The following GALK2 variants were observed in gnomAD, a reference collection of about 807,000 sequenced individuals.
The protein encoded by GALK2 is N-acetylgalactosamine kinase.
A neutral mutation model predicts 52.4 loss-of-function variants in GALK2; 36 were observed. The ratio of observed to expected loss-of-function variants is 0.69; its 90% CI spans 0.53 to 0.91. GALK2 has a LOEUF of 0.91. GALK2 is among the 40% of genes least tolerant of loss of function. The probability of loss-of-function intolerance (pLI) is 0.00; values close to 1 mark genes in which losing one functional copy is unlikely to be tolerated. For synonymous variants in GALK2, 176 were observed against 199.1 expected, an observed-to-expected ratio of 0.88 and a Z score of 0.98; for missense variants, 579 against 559.1, an observed-to-expected ratio of 1.04 and a Z score of -0.36.
At chr15:49,282,208 G>A (rs1373829848) in intron 6 of GALK2, 123 bp downstream of exon 6, 6 of 570,454 alleles carry the variant, frequency 1.1e-5, no homozygotes, top group South Asian at 2.7e-5. Context: ...AGGCTCTATT[G>A]TAGGATATTA....
intron 6 of GALK2, 122 bp downstream of exon 6, chr15:49,282,207 T>C: frequency 1.7e-6 from 1 of 572,652 alleles, no homozygotes; most frequent in East Asian, 3.0e-5. Context: ...TAGGCTCTAT[T>C]GTAGGATATT....
At chr15:49,282,930 T>A (rs17397344) in intron 6 of GALK2, among the ~76,000 whole-genome samples, 4,485 of 152,290 alleles carry the variant, frequency 0.029, 93 homozygotes, top group Non-Finnish European at 0.044. Context: ...CTGATGTTAA[T>A]GTAAGTTAGC....
In GALK2 at chr15:49,328,743, T is replaced by C. The variant is rs2037980929; in HGVS notation, c.*584T>C. The stretch of plus-strand genomic sequence containing the variant: ...GACATTGTATAATTGAATTTGAATG[T>C]GAGATTTCTCCAGTTATCAAGAGAC... On this transcript the variant is annotated 3_prime_UTR_variant, in exon 10 of 10. Coordinates refer to ENST00000560031, the MANE Select transcript of GALK2 (RefSeq NM_002044.4). 2 of 1,505,840 alleles carry C rather than the reference T, an allele frequency of 1.3e-6. No homozygotes were observed. The highest frequency in any genetic ancestry group is 1.8e-6 in the Non-Finnish European group (2 of 1,122,630). The allele number at this position is 1,505,840 out of a possible 1,614,324, so 93.3% of individuals were successfully genotyped here. A position where few individuals can be genotyped will look rare whatever the true frequency, so the allele number is the denominator to read the frequency against.
chr15:49,274,710 GTTTC>G (rs2031355439), intron 5 of GALK2, among the ~76,000 whole-genome samples: 1 of 152,142 alleles, frequency 6.6e-6, no homozygotes, highest in Non-Finnish European at 1.5e-5. Context: ...TGTACAAAGT[GTTTC>G]TTTATATCCT....
intron 5 of GALK2, among the ~76,000 whole-genome samples, chr15:49,251,892 C>G (rs777324069): frequency 2.6e-5 from 4 of 152,114 alleles, no homozygotes; most frequent in Non-Finnish European, 4.4e-5. Context: ...TGAATCCTTC[C>G]AGAAATACTC....
At position 49,201,293 on chromosome 15, in the gene GALK2, TGATAA is replaced by T. The variant is rs527813045; in HGVS notation, c.142+47_142+51del. 145 of 1,048,096 alleles carry T rather than the reference TGATAA, an allele frequency of 1.4e-4. No homozygotes were observed. The East Asian group carries it at 3.3e-3, about 24-fold the overall frequency. 64.9% of individuals were successfully genotyped at this position (1,048,096 alleles called of 1,614,324 possible). On this transcript the variant is annotated intron_variant, in intron 2 of 9. Transcript: ENST00000560031. Reference sequence around the variant, plus strand: ...TCTCTTAATTTTTTTCTTCATCCTTTGATAAGATCTAAATTTTTAAAAATATATTT... The same window carrying T: ...TCTCTTAATTTTTTTCTTCATCCTTTGATCTAAATTTTTAAAAATATATTT...
intron 5 of GALK2, among the ~76,000 whole-genome samples, 199 bp from the exon 6 acceptor site, chr15:49,281,788 C>T (rs1433520598): frequency 6.6e-6 from 1 of 152,204 alleles, no homozygotes; most frequent in African/African-American, 2.4e-5. Context: ...ATTCCATACC[C>T]ATAGCAGACA....
intron 3 of GALK2, among the ~76,000 whole-genome samples, chr15:49,355,153 A>G (rs548711926): frequency 1.3e-5 from 2 of 152,042 alleles, no homozygotes; most frequent in Non-Finnish European, 2.9e-5. Context: ...AACAGAACAG[A>G]AAAACTGGAA....
chr15:49,217,250 T>G lies in GALK2; in HGVS notation c.203T>G (p.Leu68Arg). ...CCTATGGCTGTAGAACAAGATGTGC[T>G]AATAGCTGTAGAACCTGTGAAAACG... ...VLPMAVEQDVLIAVEPVKTYA... is the reference protein window; with the variant it reads ...VLPMAVEQDVRIAVEPVKTYA... Residue 68 changes from leucine (L) to arginine (R), a missense_variant, in exon 3 of 10, where the codon CTA becomes CGA. Coordinates refer to ENST00000560031, the MANE Select transcript of GALK2 (RefSeq NM_002044.4). 1.2e-6 allele frequency: 2 copies of G among 1,613,042 alleles called. No homozygotes were observed. Among genetic ancestry groups the G allele is most frequent in the Non-Finnish European group, 1.7e-6 (2 of 1,178,978 alleles).
rs569303554 is a variant in GALK2 at position 49,171,379 on chromosome 15, GC to G, written c.53+1007del. 5.5e-4 allele frequency among the ~76,000 whole-genome samples: 83 copies of G among 152,234 alleles called. 1 individual carries two copies. Among genetic ancestry groups the G allele is most frequent in the Admixed American group, 4.6e-3 (71 of 15,286 alleles). ...TTACAGACGTGAGCCATCGCGCCCG[GC>G]CCTCTGCCTTTGCTGTTTTCAGTTT... is the stretch of plus-strand genomic sequence containing the variant. On this transcript the variant is annotated intron_variant, in intron 1 of 9. Transcript: ENST00000560031.
intron 1 of GALK2, among the ~76,000 whole-genome samples, chr15:49,193,042 G>T (rs2086896155): frequency 6.8e-6 from 1 of 147,882 alleles, no homozygotes; most frequent in Non-Finnish European, 1.5e-5. Context: ...CTGTTGCCCA[G>T]GCTGGAGTGC....
At chr15:49,255,653 G>GAATATTCTT (rs1425584438) in intron 5 of GALK2, among the ~76,000 whole-genome samples, 10 of 105,560 alleles carry the variant, frequency 9.5e-5, no homozygotes, top group Non-Finnish European at 1.4e-4. Flanking sequence ...CACAGAGATA[G>GAATATTCTT]GTAGAGATCT....
intron 5 of GALK2, among the ~76,000 whole-genome samples, chr15:49,266,319 G>T (rs2092358062): frequency 6.6e-6 from 1 of 152,030 alleles, no homozygotes; most frequent in Admixed American, 6.6e-5. Flanking sequence ...TTAATGAGTG[G>T]AGAAACAGAT....
chr15:49,179,745 A>G (rs189607088), intron 1 of GALK2, among the ~76,000 whole-genome samples: 165 of 149,736 alleles, frequency 1.1e-3, no homozygotes, highest in African/African-American at 3.8e-3. Context: ...CCAATTCCCC[A>G]TTTAACAGTA....
chr15:49,234,670 A>C (rs1421700710), intron 3 of GALK2, among the ~76,000 whole-genome samples: 2 of 152,214 alleles, frequency 1.3e-5, no homozygotes, highest in Admixed American at 6.5e-5. Flanking sequence ...CCCATGATTC[A>C]GTTACCTACC....
chr15:49,232,574 T>G (rs1246325161), intron 3 of GALK2, among the ~76,000 whole-genome samples: 1 of 152,244 alleles, frequency 6.6e-6, no homozygotes, highest in African/African-American at 2.4e-5. Flanking sequence ...AGCCTTCAAA[T>G]TTTTCAAACT....
At chr15:49,283,989 A>G (rs2141773040) in intron 7 of GALK2, among the ~76,000 whole-genome samples, 1 of 152,294 alleles carries the variant, frequency 6.6e-6, no homozygotes, top group Admixed American at 6.5e-5. Flanking sequence ...GTGGAGAAAG[A>G]TAGTTGGGGA....
chr15:49,330,335 A>G lies in GALK2; in HGVS notation c.*2176A>G, dbSNP rs759496663. On this transcript the variant is annotated 3_prime_UTR_variant, in exon 10 of 10. Transcript: ENST00000560031. Reference sequence around the variant, plus strand: ...TTTAGATCAGGGGTTATAGCCCAGCAGCCCATGGGCCACATCTGGTCTGCA... The same window carrying G: ...TTTAGATCAGGGGTTATAGCCCAGCGGCCCATGGGCCACATCTGGTCTGCA... 1 of 152,246 alleles carries G rather than the reference A, an allele frequency of 6.6e-6. No homozygotes were observed. The highest frequency in any genetic ancestry group is 1.5e-5 in the Non-Finnish European group (1 of 68,038). The allele number at this position is 152,246 out of a possible 1,614,324, so 9.4% of individuals were successfully genotyped here.
chr15:49,267,930 G>A (rs552676009), intron 5 of GALK2, among the ~76,000 whole-genome samples: 4 of 152,274 alleles, frequency 2.6e-5, no homozygotes, highest in Admixed American at 2.6e-4. Context: ...GCAAAAGAAA[G>A]TGATATTTCA....
Sources: gnomAD v4.1 joint callset for allele counts (sites outside exome capture counted in the v4.1 genomes callset) on GRCh38, gnomAD v4.1.1 for gene constraint, MANE v1.5 for transcripts, NCBI Gene and HGNC (gene_info 2026-07-23, HGNC 2026-07-21) for gene names.